SGK3: variants seen among roughly 807,000 people sequenced by gnomAD.
SGK3 encodes serine/threonine-protein kinase Sgk3.
In SGK3, 47 loss-of-function variants were observed where a neutral mutation model predicts 68.5. That is an observed-to-expected ratio of 0.69 (90% CI 0.54 to 0.87). The LOEUF is 0.87. Ranked by LOEUF, SGK3 falls within the 40% of genes least tolerant of loss-of-function variation. The pLI, the probability that SGK3 is intolerant of heterozygous loss-of-function variation, is 0.00. For missense variants in SGK3, 479 were observed against 575.5 expected, an observed-to-expected ratio of 0.83 and a Z score of 1.72; for synonymous variants, 181 against 189.1, an observed-to-expected ratio of 0.96 and a Z score of 0.35.
intron 16 of SGK3, among the ~76,000 whole-genome samples, chr8:66,851,673 T>C (rs908768616): frequency 1.3e-5 from 2 of 152,120 alleles, no homozygotes; most frequent in African/African-American, 4.8e-5. Context: ...GATGGAAACA[T>C]TTCACCTAAA....
chr8:66,798,785 T>C (rs2130592292), intron 3 of SGK3, among the ~76,000 whole-genome samples, 160 bp downstream of exon 3: 1 of 152,358 alleles, frequency 6.6e-6, no homozygotes, highest in Non-Finnish European at 1.5e-5. Flanking sequence ...AACTTTGGAA[T>C]GCTTTCAAAG....
intron 5 of SGK3, among the ~76,000 whole-genome samples, chr8:66,817,863 T>C (rs1210507827): frequency 6.6e-6 from 1 of 152,160 alleles, no homozygotes; most frequent in Non-Finnish European, 1.5e-5. Context: ...CTCCCAGCAC[T>C]TTGGGAGGCT....
At chr8:66,723,109 ATATATATATATATATATATATATT>A (rs1441049493) in intron 1 of SGK3, among the ~76,000 whole-genome samples, 5 of 42,318 alleles carry the variant, frequency 1.2e-4, no homozygotes, top group South Asian at 7.5e-4. Context: ...ATATATATAT[ATATATATATATATATATATATATT>A]TTTTTTTTTT....
intron 1 of SGK3, among the ~76,000 whole-genome samples, chr8:66,713,290 T>C (rs1563590106): frequency 6.6e-6 from 1 of 152,238 alleles, no homozygotes; most frequent in Non-Finnish European, 1.5e-5. Context: ...ATTTGAACCC[T>C]TACGTCTCTT....
rs2163405 is a variant in SGK3 at position 66,760,699 on chromosome 8, G to A, written c.-121-32917G>A. Among the ~76,000 whole-genome samples the A allele has an allele frequency of 4.6e-4, 70 of 152,220 alleles. 1 individual carries two copies. Among genetic ancestry groups the A allele is most frequent in the East Asian group, 2.3e-3 (12 of 5,190 alleles). ...GTTTGGCAAATACCATCATTTGTCC[G>A]TCATCATTTCAAGTAAAAATGAGAT... is the stretch of plus-strand genomic sequence containing the variant. On this transcript the variant is annotated intron_variant, in intron 1 of 16. Coordinates refer to ENST00000521198, the MANE Select transcript of SGK3 (RefSeq NM_001033578.3).
At position 66,859,428 on chromosome 8, in the gene SGK3, C is replaced by A. The variant is rs777748053; in HGVS notation, c.1338C>A (p.Ile446=). ...TGTTTTAGGCTGGACCAGATGATATCAGAAACTTTGACACAGCATTTACAG... is the reference window on the plus strand; with the variant it reads ...TGTTTTAGGCTGGACCAGATGATATAAGAAACTTTGACACAGCATTTACAG... ...FNPNVAGPDD[I]RNFDTAFTEE... is the part of the protein sequence containing the mutation. Residue 446 remains isoleucine, a synonymous_variant, in exon 17 of 17, where the codon ATC becomes ATA. Transcript: ENST00000521198. 3.7e-6 allele frequency: 6 copies of A among 1,608,204 alleles called. No homozygotes were observed. The highest frequency in any genetic ancestry group is 5.1e-6 in the Non-Finnish European group (6 of 1,176,124).
At chr8:66,730,421 C>T (rs1370657672) in intron 1 of SGK3, among the ~76,000 whole-genome samples, 1 of 151,902 alleles carries the variant, frequency 6.6e-6, no homozygotes, top group African/African-American at 2.4e-5. Flanking sequence ...TTCTTGATTT[C>T]CTTGGAGCAC....
intron 5 of SGK3, among the ~76,000 whole-genome samples, chr8:66,815,926 C>T (rs1808555230): frequency 6.6e-6 from 1 of 152,154 alleles, no homozygotes; most frequent in Non-Finnish European, 1.5e-5. Flanking sequence ...AATATATATA[C>T]ACCCTGTAAC....
chr8:66,770,538 G>A (rs1159127356), intron 1 of SGK3, among the ~76,000 whole-genome samples: 2 of 151,920 alleles, frequency 1.3e-5, no homozygotes, highest in East Asian at 3.9e-4. Flanking sequence ...TTATTCTAGG[G>A]CTAATTCCTC....
chr8:66,769,954 CT>C (rs1034513828), intron 1 of SGK3, among the ~76,000 whole-genome samples: 13 of 151,874 alleles, frequency 8.6e-5, no homozygotes, highest in Non-Finnish European at 1.6e-4. Context: ...TTAGTGATTA[CT>C]TTTTTTGTTT....
intron 4 of SGK3, among the ~76,000 whole-genome samples, chr8:66,806,129 C>T (rs1457741841): frequency 6.6e-6 from 1 of 152,122 alleles, no homozygotes; most frequent in Non-Finnish European, 1.5e-5. Context: ...CTTTATGAAC[C>T]TCTGGTTTGG....
At chr8:66,829,889 T>C (rs1402079762) in intron 7 of SGK3, among the ~76,000 whole-genome samples, 3 of 149,898 alleles carry the variant, frequency 2.0e-5, no homozygotes, top group African/African-American at 2.4e-5. Context: ...TTTTTTTTTA[T>C]TGAGACAGAG....
chr8:66,792,189 C>T (rs1468480373), intron 1 of SGK3, among the ~76,000 whole-genome samples: 2 of 151,892 alleles, frequency 1.3e-5, no homozygotes, highest in Admixed American at 6.6e-5. Flanking sequence ...ATTAGTTGGG[C>T]GTGGTGGCAC....
chr8:66,838,834 T>A (rs1186194401), intron 10 of SGK3, among the ~76,000 whole-genome samples: 2 of 152,192 alleles, frequency 1.3e-5, no homozygotes, highest in Non-Finnish European at 2.9e-5. Flanking sequence ...TCCCCCAGTG[T>A]TCATACTTAA....
At chr8:66,802,598 G>C (rs1381110721) in intron 3 of SGK3, among the ~76,000 whole-genome samples, 1 of 151,878 alleles carries the variant, frequency 6.6e-6, no homozygotes, top group African/African-American at 2.4e-5. Context: ...GCTGAGGGGA[G>C]GATCACTTGA....
chr8:66,788,755 C>T (rs1360549118), intron 1 of SGK3, among the ~76,000 whole-genome samples: 2 of 152,126 alleles, frequency 1.3e-5, no homozygotes, highest in Admixed American at 1.3e-4. Flanking sequence ...CAGGGAAATC[C>T]TAGAAGCCAT....
intron 8 of SGK3, among the ~76,000 whole-genome samples, chr8:66,831,776 A>G (rs920998284): frequency 1.3e-5 from 2 of 152,216 alleles, no homozygotes; most frequent in African/African-American, 4.8e-5. Context: ...AACAATAATT[A>G]GGGAGAAAAG....
At chr8:66,833,106 A>G (rs1248333231) in intron 8 of SGK3, among the ~76,000 whole-genome samples, 1 of 152,004 alleles carries the variant, frequency 6.6e-6, no homozygotes, top group African/African-American at 2.4e-5. Context: ...CCCAGCTTCA[A>G]GCAATTCTCC....
intron 4 of SGK3, among the ~76,000 whole-genome samples, chr8:66,806,956 G>A (rs1023787081): frequency 5.3e-5 from 8 of 152,144 alleles, no homozygotes; most frequent in African/African-American, 1.9e-4. Flanking sequence ...CATGGGTAGC[G>A]TGTGGGCCTT....
Sources: allele counts gnomAD v4.1 joint callset (sites outside exome capture counted in the v4.1 genomes callset), GRCh38; gene constraint gnomAD v4.1.1; transcripts MANE v1.5; gene names NCBI Gene and HGNC (gene_info 2026-07-23, HGNC 2026-07-21).